Variants in TEX11 observed in about 807,000 individuals in gnomAD.
TEX11 encodes the protein testis expressed 11.
Under a neutral mutation model 84.4 loss-of-function variants are expected in TEX11, and 7 were observed. The ratio of observed to expected loss-of-function variants is 0.08; its 90% CI spans 0.05 to 0.16. The LOEUF is 0.16. Ranked by LOEUF, TEX11 falls within the 10% of genes least tolerant of loss-of-function variation. The pLI, the probability that TEX11 is intolerant of heterozygous loss-of-function variation, is 1.00. For missense variants in TEX11, 551 were observed against 660.5 expected (o/e 0.83, Z 1.82); for synonymous variants, 264 against 222.8 (o/e 1.18, Z -1.64).
intron 11 of TEX11, among the ~76,000 whole-genome samples, chrX:70,725,793 C>A (rs1029271549): frequency 8.9e-6 from 1 of 111,860 alleles, no homozygotes; most frequent in Non-Finnish European, 1.9e-5. Flanking sequence ...ATTTCTAAAT[C>A]ATTGTTAGTT....
At chrX:70,525,522 A>G (rs61213777), downstream of TEX11, among the ~76,000 whole-genome samples, 31,671 of 107,793 alleles carry the variant, frequency 0.29, 5,893 homozygotes, top group African/African-American at 0.66. Context: ...AGGAGGCGGA[A>G]GTTGCAGTGA....
At chrX:70,871,504 A>G (rs762744609) in intron 4 of TEX11, among the ~76,000 whole-genome samples, 1 of 112,517 alleles carries the variant, frequency 8.9e-6, no homozygotes, top group South Asian at 3.7e-4. Context: ...ATAAATCTTC[A>G]TGACTTATTT....
intron 7 of TEX11, among the ~76,000 whole-genome samples, chrX:70,842,770 C>A (rs1006986039): frequency 7.1e-5 from 8 of 111,944 alleles, no homozygotes; most frequent in African/African-American, 2.3e-4. Context: ...AGCTGATAAA[C>A]AACTTCAGCA....
At chrX:70,720,998 C>T (rs2090554959) in intron 13 of TEX11, among the ~76,000 whole-genome samples, 1 of 110,251 alleles carries the variant, frequency 9.1e-6, no homozygotes, top group Non-Finnish European at 1.9e-5. Context: ...ATTTAAATTC[C>T]AGCTCTGCTC....
At chrX:70,621,148 A>G (rs1272066589) in intron 20 of TEX11, among the ~76,000 whole-genome samples, 2 of 110,319 alleles carry the variant, frequency 1.8e-5, no homozygotes, top group African/African-American at 3.3e-5. Context: ...GAGGCTATGC[A>G]TGTGGTGGGG....
chrX:70,787,565 G>A (rs1007638589), intron 9 of TEX11, among the ~76,000 whole-genome samples: 8 of 109,894 alleles, frequency 7.3e-5, no homozygotes, highest in Non-Finnish European at 1.1e-4. Flanking sequence ...TCCTGACCTC[G>A]TGATCCGCCC....
At chrX:70,781,648 G>A (rs1299228610) in intron 9 of TEX11, among the ~76,000 whole-genome samples, 4 of 111,951 alleles carry the variant, frequency 3.6e-5, no homozygotes, top group Non-Finnish European at 7.5e-5. Context: ...GAAAACCATA[G>A]CACGAAAACT....
intron 8 of TEX11, among the ~76,000 whole-genome samples, chrX:70,832,745 T>C (rs2091383588): frequency 1.8e-5 from 2 of 111,549 alleles, no homozygotes; most frequent in Non-Finnish European, 3.8e-5. Context: ...ACTATGTATT[T>C]AGGAATTTTC....
intron 11 of TEX11, among the ~76,000 whole-genome samples, chrX:70,735,732 T>C (rs927615277): frequency 1.8e-5 from 2 of 112,006 alleles, no homozygotes; most frequent in East Asian, 2.8e-4. Flanking sequence ...GATTCCAAAA[T>C]ATGAAAATGC....
At chrX:70,551,156 C>A (rs1051214406) in intron 28 of TEX11, among the ~76,000 whole-genome samples, 6 of 109,728 alleles carry the variant, frequency 5.5e-5, no homozygotes, top group African/African-American at 2.0e-4. Flanking sequence ...AGCACACACA[C>A]AAAAAACAAA....
chrX:70,741,547 G>T (rs1417516167), intron 10 of TEX11, among the ~76,000 whole-genome samples: 1 of 111,216 alleles, frequency 9.0e-6, no homozygotes, highest in Non-Finnish European at 1.9e-5. Context: ...AACTCATCAA[G>T]CTGTACACTT....
chrX:70,865,462 A>G (rs758968725), intron 4 of TEX11, among the ~76,000 whole-genome samples: 1 of 111,579 alleles, frequency 9.0e-6, no homozygotes, highest in Admixed American at 9.5e-5. Flanking sequence ...TTAACACCCC[A>G]CTGTCAATAT....
intron 9 of TEX11, among the ~76,000 whole-genome samples, chrX:70,767,922 C>A (rs1269066395): frequency 9.0e-6 from 1 of 110,808 alleles, no homozygotes; most frequent in Non-Finnish European, 1.9e-5. Flanking sequence ...ACCTAAAAAT[C>A]AAAGCAATTG....
chrX:70,841,212 T>C (rs1165601640), intron 7 of TEX11, among the ~76,000 whole-genome samples: 4 of 110,138 alleles, frequency 3.6e-5, no homozygotes, highest in Non-Finnish European at 7.6e-5. Flanking sequence ...TATTCCAAAA[T>C]TGACCACATA....
intron 4 of TEX11, among the ~76,000 whole-genome samples, chrX:70,867,046 T>G (rs7880516): frequency 0.01 from 1,150 of 111,398 alleles, 14 homozygotes; most frequent in African/African-American, 0.036. Flanking sequence ...GAGAAAGAAA[T>G]AAAGCGTATT....
At chrX:70,609,870 G>GA (rs1248250603) in intron 21 of TEX11, among the ~76,000 whole-genome samples, 4 of 110,091 alleles carry the variant, frequency 3.6e-5, no homozygotes, top group Middle Eastern at 4.7e-3. Context: ...CATGTAGTTA[G>GA]AAAAAAAATG....
At chrX:70,721,759 T>C (rs1217407773) in intron 13 of TEX11, among the ~76,000 whole-genome samples, 1 of 111,959 alleles carries the variant, frequency 8.9e-6, no homozygotes, top group Admixed American at 9.6e-5. Context: ...ACGGCAGAGT[T>C]GACTAGTTGT....
intron 3 of TEX11, among the ~76,000 whole-genome samples, chrX:70,877,638 T>C (rs1424841102): frequency 8.9e-6 from 1 of 111,911 alleles, no homozygotes; most frequent in Non-Finnish European, 1.9e-5. Context: ...CAAGTGTCCA[T>C]CAACAAATGA....
At chrX:70,885,552 A>G (rs1426726944) in intron 2 of TEX11, among the ~76,000 whole-genome samples, 3 of 111,850 alleles carry the variant, frequency 2.7e-5, no homozygotes, top group Non-Finnish European at 5.6e-5. Context: ...ATTTAAAATT[A>G]CAATGATATA....
Sources: gnomAD v4.1 joint callset for allele counts (sites outside exome capture counted in the v4.1 genomes callset) on GRCh38, gnomAD v4.1.1 for gene constraint, MANE v1.5 for transcripts, NCBI Gene and HGNC (gene_info 2026-07-23, HGNC 2026-07-21) for gene names.